Variants in ACACB observed in about 807,000 individuals in gnomAD.
ACACB encodes the protein acetyl-CoA carboxylase 2.
In ACACB, 209 loss-of-function variants were observed where a neutral mutation model predicts 278.8. The ratio of observed to expected loss-of-function variants is 0.75; its 90% confidence interval spans 0.67 to 0.84. The LOEUF is 0.84. ACACB is among the 40% of genes least tolerant of loss of function. The pLI is 0.00. For synonymous variants in ACACB, 1,174 were observed against 1,285.6 expected, an observed-to-expected ratio of 0.91 and a Z score of 1.86; for missense variants, 2,850 against 3,269.0, an observed-to-expected ratio of 0.87 and a Z score of 3.13.
rs1458417853 is a variant in ACACB, at chr12:109,232,886, G to A, written c.4139+80G>A. On this transcript the variant is annotated intron_variant, in intron 29 of 52. Coordinates refer to ENST00000338432, the MANE Select transcript of ACACB (RefSeq NM_001093.4). ...CCCTTGAATCCCCCCCCAATTCACT[G>A]GACAGATGGGGTGGGAGAGACCCAG... The A allele has an allele frequency of 6.5e-6, 10 of 1,548,728 alleles. No homozygotes were observed. The East Asian group carries it at 2.3e-4, about 35-fold the overall frequency.
At chr12:109,148,273 G>A (rs1440580638) in intron 2 of ACACB, among the ~76,000 whole-genome samples, 3 of 152,178 alleles carry the variant, frequency 2.0e-5, no homozygotes, top group Admixed American at 6.5e-5. Context: ...AAATGAGCAC[G>A]GTTACAAGAA....
In ACACB at chr12:109,191,877, G is replaced by A. The variant is rs770255172; in HGVS notation, c.2326G>A (p.Val776Ile). Residue 776 changes from valine (V) to isoleucine (I), a missense_variant, in exon 15 of 53, where the codon GTA becomes ATA. Physicochemically the swap from Val to Ile is conservative, Grantham distance 29. Transcript: ENST00000338432. ...GAAACCGGATATCATGCTTGGGGTG[G>A]TATGCGGGGCCTTGAACGTGGCCGA... is the stretch of plus-strand genomic sequence containing the variant. ...AEKPDIMLGV[V>I]CGALNVADAM... 63 of 1,614,090 alleles carry A rather than the reference G, an allele frequency of 3.9e-5. No homozygotes were observed. Among genetic ancestry groups the A allele is most frequent in the Non-Finnish European group, 5.0e-5 (59 of 1,180,048 alleles).
chr12:109,188,969 C>T (rs1313025862), intron 13 of ACACB, among the ~76,000 whole-genome samples: 3 of 152,054 alleles, frequency 2.0e-5, no homozygotes, highest in Non-Finnish European at 2.9e-5. Context: ...AACCACCCAC[C>T]ACTCTGAGGC....
chr12:109,187,928 G>T, intron 12 of ACACB, 71 bp from the exon 13 acceptor site: 1 of 1,536,244 alleles, frequency 6.5e-7, no homozygotes, highest in South Asian at 1.2e-5. Context: ...GTTTTCCCAG[G>T]ACTGAATTCT....
At chr12:109,232,259 C>T (rs1232035969) in intron 28 of ACACB, among the ~76,000 whole-genome samples, 1 of 152,174 alleles carries the variant, frequency 6.6e-6, no homozygotes, top group Non-Finnish European at 1.5e-5. Context: ...GGAGGGATTA[C>T]AGGGAGCAGA....
In ACACB at chr12:109,266,220, C is replaced by T. The variant is rs746664685; in HGVS notation, c.7251-16C>T. On this transcript the variant is annotated splice_polypyrimidine_tract_variant and intron_variant, in intron 52 of 52. Transcript: ENST00000338432. ...TGGCTGGAGTGATCCCAGCCCTCCTCTCACCTCCCCCACAGCCTGGTTGAA... is the reference window on the plus strand; with the variant it reads ...TGGCTGGAGTGATCCCAGCCCTCCTTTCACCTCCCCCACAGCCTGGTTGAA... 4 of 1,610,728 alleles carry T rather than the reference C, an allele frequency of 2.5e-6. No homozygotes were observed. The highest frequency in any genetic ancestry group is 2.5e-6 in the Non-Finnish European group (3 of 1,178,450).
chr12:109,200,139 T>C (rs1366256612), intron 18 of ACACB, among the ~76,000 whole-genome samples: 1 of 152,172 alleles, frequency 6.6e-6, no homozygotes, highest in Admixed American at 6.5e-5. Context: ...CTCTGTACTA[T>C]TTACATAACT....
At chr12:109,252,876 G>A in intron 42 of ACACB, 139 bp from the exon 43 acceptor site, 1 of 798,486 alleles carries the variant, frequency 1.3e-6, no homozygotes. Flanking sequence ...TCTGGATGTA[G>A]CCTGAGCATC....
At chr12:109,181,906 G>A (rs1427648250) in intron 11 of ACACB, among the ~76,000 whole-genome samples, 1 of 138,554 alleles carries the variant, frequency 7.2e-6, no homozygotes, top group East Asian at 2.2e-4. Flanking sequence ...GTACAGTGGT[G>A]CGATCTTGGC....
intron 44 of ACACB, among the ~76,000 whole-genome samples, chr12:109,255,567 C>G (rs1051931315): frequency 5.9e-5 from 9 of 152,242 alleles, no homozygotes; most frequent in African/African-American, 1.7e-4. Flanking sequence ...TGAGATGCCT[C>G]TTACTCTGGC....
rs55987918 is a variant in ACACB, at chr12:109,133,240, TTCTCTC to T, written c.-9-6136_-9-6131del. Among the ~76,000 whole-genome samples, 878 of 148,250 alleles carry T rather than the reference TTCTCTC, an allele frequency of 5.9e-3. 10 individuals are homozygous for T. The highest frequency in any genetic ancestry group is 0.02 in the African/African-American group (821 of 40,362). On this transcript the variant is annotated intron_variant, in intron 1 of 52. Transcript: ENST00000338432. ...TTTTGTCTTTATGCTGCACTTCTCTTTCTCTCTCTCTCTCTCTCTCTCTCTCGTTGC... is the reference window on the plus strand; with the variant it reads ...TTTTGTCTTTATGCTGCACTTCTCTTTCTCTCTCTCTCTCTCTCTCGTTGC...
chr12:109,258,186 T>C, intron 45 of ACACB, 82 bp from the exon 46 acceptor site: 1 of 940,092 alleles, frequency 1.1e-6, no homozygotes, highest in Non-Finnish European at 1.6e-6. Flanking sequence ...CTCCTCCACG[T>C]GCCCTCACCC....
chr12:109,187,524 A>G (rs770591355), intron 12 of ACACB, among the ~76,000 whole-genome samples: 4 of 151,818 alleles, frequency 2.6e-5, no homozygotes, highest in Non-Finnish European at 4.4e-5. Context: ...GCAGTGGCGT[A>G]GTCATGCCTC....
chr12:109,175,953 A>T lies in ACACB; in HGVS notation c.1239A>T (p.Glu413Asp), dbSNP rs1358903417. The change falls in exon 8 of 53, where the codon GAA becomes GAT. Residue 413 changes from glutamate to aspartate, a missense_variant. This residue lies in a region of ACACB where 2,265 missense variants were observed against 2,561.3 expected (regional missense o/e 0.88). Coordinates refer to ENST00000338432, the MANE Select transcript of ACACB (RefSeq NM_001093.4). ...SGSGLTVEWT[E>D]DDLQQGKRIS... ...CAGGCCTGACAGTGGAGTGGACAGAAGATGATCTGCAGCAGGGAAAAAGAA... is the reference window on the plus strand; with the variant it reads ...CAGGCCTGACAGTGGAGTGGACAGATGATGATCTGCAGCAGGGAAAAAGAA... The T allele has an allele frequency of 1.4e-5, 23 of 1,614,044 alleles. No homozygotes were observed. Among genetic ancestry groups the T allele is most frequent in the Non-Finnish European group, 1.9e-5 (22 of 1,180,022 alleles).
At chr12:109,214,576 A>G (rs182321331) in intron 22 of ACACB, among the ~76,000 whole-genome samples, 5 of 152,352 alleles carry the variant, frequency 3.3e-5, no homozygotes. Context: ...TGAATTTTCT[A>G]GCAAGTTTTC....
rs1248750694 is a variant in ACACB at position 109,223,825 on chromosome 12, T to C, written c.3803T>C (p.Leu1268Pro). 1 of 1,613,792 alleles carries C rather than the reference T, an allele frequency of 6.2e-7. No homozygotes were observed. Among genetic ancestry groups the C allele is most frequent in the Non-Finnish European group, 8.5e-7 (1 of 1,179,646 alleles). ...FCPENLKKLILSETTIFDVLP... is the reference protein window; with the variant it reads ...FCPENLKKLIPSETTIFDVLP... ...TTTCATTTCCCTTAGAAATTAATAC[T>C]TTCGGAAACAACCATCTTCGACGTC... is the stretch of plus-strand genomic sequence containing the variant. The change falls in exon 27 of 53, where the codon CTT (leucine) becomes CCT (proline). Residue 1268 changes from leucine (L) to proline (P), a missense_variant. Physicochemically the swap from Leu to Pro is moderately conservative, Grantham distance 98 (BLOSUM62 -3). Around this residue, in one of 3 missense-constraint regions of ACACB, gnomAD observed 2,265 missense variants for 2,561.3 expected, o/e 0.88. Coordinates refer to ENST00000338432, the MANE Select transcript of ACACB (RefSeq NM_001093.4).
At chr12:109,223,521 C>T (rs1324541542) in intron 26 of ACACB, among the ~76,000 whole-genome samples, 1 of 152,100 alleles carries the variant, frequency 6.6e-6, no homozygotes, top group Non-Finnish European at 1.5e-5. Flanking sequence ...ACTCGGGAGG[C>T]CAAGACTGGA....
intron 16 of ACACB, among the ~76,000 whole-genome samples, chr12:109,195,888 A>G (rs913839908): frequency 6.6e-6 from 1 of 152,116 alleles, no homozygotes; most frequent in Non-Finnish European, 1.5e-5. Flanking sequence ...TGAATTTTAC[A>G]TTTTATTTCA....
chr12:109,192,021 C>A, intron 15 of ACACB, 71 bp downstream of exon 15: 1 of 1,510,228 alleles, frequency 6.6e-7, no homozygotes, highest in East Asian at 2.3e-5. Context: ...AATCTGTCTC[C>A]TTTATTTGTG....
Sources: allele counts gnomAD v4.1 joint callset (sites outside exome capture counted in the v4.1 genomes callset), GRCh38; gene constraint gnomAD v4.1.1; regional missense constraint gnomAD v4.1.1; transcripts MANE v1.5; gene names NCBI Gene and HGNC (gene_info 2026-07-23, HGNC 2026-07-21).